Variants in XPO1 observed in about 807,000 individuals in gnomAD.
XPO1 encodes the protein exportin 1, also known as exportin-1.
XPO1 carries 5 observed loss-of-function variants against 133.3 expected under a neutral mutation model. The observed-to-expected ratio is 0.04, with a 90% CI of 0.02 to 0.08. XPO1 has a LOEUF of 0.08. XPO1 is among the 10% of genes least tolerant of loss of function. The probability of loss-of-function intolerance (pLI) is 1.00; values close to 1 mark genes in which losing one functional copy is unlikely to be tolerated. For synonymous variants in XPO1, 419 were observed against 408.2 expected (o/e 1.03, Z -0.32); for missense variants, 506 against 1,267.5 (o/e 0.40, Z 9.12).
rs757089419 is a variant in XPO1, at chr2:61,494,094, A to G, written c.1048-3T>C. The stretch of plus-strand genomic sequence containing the variant: ...ACCAACAACATATAATGAAGGGCCT[A>G]CACAGAAGACCAAAACTGTTAAAAT... On this transcript the variant is annotated splice_polypyrimidine_tract_variant and splice_region_variant and intron_variant, in intron 11 of 24. Transcript: ENST00000401558. 3.1e-6 allele frequency: 5 copies of G among 1,608,940 alleles called. No homozygotes were observed. In the South Asian group the frequency reaches 5.6e-5, roughly 18 times the overall value.
intron 2 of XPO1, among the ~76,000 whole-genome samples, chr2:61,528,448 T>C (rs1248243176): frequency 6.6e-6 from 1 of 151,824 alleles, no homozygotes; most frequent in African/African-American, 2.4e-5. Flanking sequence ...TCCTGACCAA[T>C]ATGGCGAAAC....
chr2:61,521,744 G>GT (rs1035623464), intron 4 of XPO1, among the ~76,000 whole-genome samples: 3 of 151,550 alleles, frequency 2.0e-5, no homozygotes, highest in Non-Finnish European at 4.4e-5. Context: ...CTTACATATG[G>GT]TTTTTTTTGT....
intron 3 of XPO1, 91 bp downstream of exon 3, chr2:61,526,329 A>G (rs1698903406): frequency 6.8e-7 from 1 of 1,477,844 alleles, no homozygotes; most frequent in Non-Finnish European, 8.9e-7. Context: ...ATTTGAGATA[A>G]CAAATGCTAA....
In XPO1 at chr2:61,481,343, T is replaced by C. The variant is rs1187757250; in HGVS notation, c.2973-62A>G. On this transcript the variant is annotated intron_variant, in intron 23 of 24. Transcript: ENST00000401558. ...TTTTTCCCCCGAGACAGAGTATTGC[T>C]CTGTCACCAGGCTGGAGTACAGTGG... is the stretch of plus-strand genomic sequence containing the variant. 4 of 1,317,766 alleles carry C rather than the reference T, an allele frequency of 3.0e-6. No homozygotes were observed. In the East Asian group the frequency reaches 7.6e-5, roughly 25 times the overall value. The allele number at this position is 1,317,766 out of a possible 1,614,324, so 81.6% of individuals were successfully genotyped here.
chr2:61,491,736 G>T (rs111689057), intron 16 of XPO1, among the ~76,000 whole-genome samples: 3 of 152,128 alleles, frequency 2.0e-5, no homozygotes, highest in Middle Eastern at 3.4e-3. Flanking sequence ...TCTACCAAGG[G>T]GGGGAAAAAG....
intron 9 of XPO1, among the ~76,000 whole-genome samples, chr2:61,497,702 T>C (rs1050792491): frequency 3.3e-5 from 5 of 152,214 alleles, no homozygotes; most frequent in African/African-American, 1.2e-4. Context: ...AATTGGCTTA[T>C]ATATTCTATT....
chr2:61,479,360 G>C (rs1004824734), intron 24 of XPO1, among the ~76,000 whole-genome samples: 1 of 151,998 alleles, frequency 6.6e-6, no homozygotes, highest in Non-Finnish European at 1.5e-5. Flanking sequence ...GCTGAGGCAG[G>C]AGAATCACTT....
At chr2:61,502,465 T>C in intron 4 of XPO1, 155 bp from the exon 5 acceptor site, 2 of 701,486 alleles carry the variant, frequency 2.9e-6, no homozygotes, top group Middle Eastern at 8.6e-4. Flanking sequence ...TTAAAAAAAT[T>C]CCGGCCCGGT....
At chr2:61,498,494 G>A (rs1412012051) in intron 9 of XPO1, among the ~76,000 whole-genome samples, 179 bp downstream of exon 9, 5 of 152,190 alleles carry the variant, frequency 3.3e-5, no homozygotes, top group Non-Finnish European at 5.9e-5. Context: ...GGCAGAATCA[G>A]ATTTGAAACT....
intron 2 of XPO1, among the ~76,000 whole-genome samples, chr2:61,528,891 G>A (rs1227002799): frequency 1.3e-5 from 2 of 151,432 alleles, no homozygotes; most frequent in Non-Finnish European, 2.9e-5. Flanking sequence ...ATCTTTAAAG[G>A]TTGTTTTATA....
At position 61,495,463 on chromosome 2, in the gene XPO1, G is replaced by C; in HGVS notation, c.1039C>G (p.Leu347Val). 5.7e-6 allele frequency: 9 copies of C among 1,569,968 alleles called. No individual in the cohort carries two copies. The highest frequency in any genetic ancestry group is 7.8e-6 in the Non-Finnish European group (9 of 1,154,484). Residue 347 changes from leucine to valine, a missense_variant, in exon 11 of 25, where the codon CTT becomes GTT. Physicochemically the swap from Leu to Val is conservative, Grantham distance 32. This residue lies in a region of XPO1 where 134 missense variants were observed against 261.6 expected (regional missense o/e 0.51). Coordinates refer to ENST00000401558, the MANE Select transcript of XPO1 (RefSeq NM_003400.4). ...IEKRLNLRETLMEALHYMLLV... is the reference protein window; with the variant it reads ...IEKRLNLRETVMEALHYMLLV... ...AGCTCCACATATCTTACCTCCATAA[G>C]AGTTTCCCTGAGATTTAATCTTTTT... is the stretch of plus-strand genomic sequence containing the variant.
intron 4 of XPO1, among the ~76,000 whole-genome samples, chr2:61,519,036 C>T (rs986341077): frequency 6.6e-6 from 1 of 152,204 alleles, no homozygotes; most frequent in East Asian, 1.9e-4. Context: ...CTGCAACCTC[C>T]GCCTCCCGGG....
intron 4 of XPO1, among the ~76,000 whole-genome samples, chr2:61,510,659 C>T (rs950862009): frequency 1.3e-5 from 2 of 152,050 alleles, no homozygotes; most frequent in Non-Finnish European, 1.5e-5. Context: ...GAAAGCAGGT[C>T]GAGCACAGTA....
intron 4 of XPO1, among the ~76,000 whole-genome samples, chr2:61,513,181 T>C (rs1698178853): frequency 6.6e-6 from 1 of 151,892 alleles, no homozygotes; most frequent in African/African-American, 2.4e-5. Context: ...CACCTCAGCT[T>C]CCTGGCAGTC....
intron 4 of XPO1, among the ~76,000 whole-genome samples, chr2:61,512,140 C>T (rs995252482): frequency 2.6e-5 from 4 of 152,172 alleles, no homozygotes; most frequent in Non-Finnish European, 2.9e-5. Context: ...TGCCTGTCAA[C>T]TCTCTGAGAT....
At chr2:61,480,800 G>A (rs1258284171) in intron 24 of XPO1, among the ~76,000 whole-genome samples, 1 of 151,996 alleles carries the variant, frequency 6.6e-6, no homozygotes, top group Non-Finnish European at 1.5e-5. Context: ...TATGAATAAA[G>A]CACTGTATAA....
intron 4 of XPO1, among the ~76,000 whole-genome samples, chr2:61,512,543 G>C (rs1698145794): frequency 1.3e-5 from 2 of 152,196 alleles, no homozygotes; most frequent in Non-Finnish European, 2.9e-5. Context: ...ACACGTTCAA[G>C]AGATAAGTGA....
At chr2:61,523,326 A>G (rs1698777926) in intron 3 of XPO1, among the ~76,000 whole-genome samples, 1 of 152,250 alleles carries the variant, frequency 6.6e-6, no homozygotes, top group South Asian at 2.1e-4. Context: ...TGCAATCTGT[A>G]TCTACCTTTC....
Position 61,506,400 on chromosome 2 carries a change from G to C in XPO1, c.302-4090C>G, listed in dbSNP as rs1341410474. Among the ~76,000 whole-genome samples, 4 of 152,126 alleles carry C rather than the reference G, an allele frequency of 2.6e-5. No homozygotes were observed. In the South Asian group the frequency reaches 6.2e-4, roughly 24 times the overall value. ...ATCGCGCCACTGCACTCAAGCCTGG[G>C]TGACAGAGCAAGACTCCGTCTCAAA... On this transcript the variant is annotated intron_variant, in intron 4 of 24. Coordinates refer to ENST00000401558, the MANE Select transcript of XPO1 (RefSeq NM_003400.4).
Sources: gnomAD v4.1 joint callset for allele counts (sites outside exome capture counted in the v4.1 genomes callset) on GRCh38, gnomAD v4.1.1 for gene constraint, gnomAD v4.1.1 regional missense constraint, MANE v1.5 for transcripts, NCBI Gene and HGNC (gene_info 2026-07-23, HGNC 2026-07-21) for gene names.